Variants in LRCH1 observed in about 807,000 individuals in gnomAD.
The protein encoded by LRCH1 is leucine rich repeats and calponin homology domain containing 1, also known as leucine-rich repeat and calponin homology domain-containing protein 1.
Under a neutral mutation model 94.9 loss-of-function variants are expected in LRCH1, and 23 were observed. The observed-to-expected ratio is 0.24, with a 90% CI of 0.17 to 0.34. The LOEUF is 0.34. LRCH1 is among the 10% of genes least tolerant of loss of function. The pLI is 1.00. For synonymous variants in LRCH1, 364 were observed against 354.9 expected (o/e 1.03, Z -0.29); for missense variants, 790 against 945.9 (o/e 0.84, Z 2.16).
At chr13:46,616,354 A>G (rs2050808158) in intron 1 of LRCH1, among the ~76,000 whole-genome samples, 1 of 152,204 alleles carries the variant, frequency 6.6e-6, no homozygotes, top group South Asian at 2.1e-4. Context: ...TGCTATCAAA[A>G]TAAGCTTAAA....
chr13:46,600,199 A>C (rs7321115), intron 1 of LRCH1, among the ~76,000 whole-genome samples: 1 of 152,070 alleles, frequency 6.6e-6, no homozygotes, highest in African/African-American at 2.4e-5. Flanking sequence ...GCTTTTTAAC[A>C]TAGTAACATA....
In LRCH1 at chr13:46,600,391, A is replaced by G. The variant is rs570319541; in HGVS notation, c.307+46688A>G. On this transcript the variant is annotated intron_variant, in intron 1 of 19. Transcript: ENST00000389797. ...ATTTCAAGCCAAGAATAACAGAGTT[A>G]GGGTCAAGACTGTGAACCGTATGGT... 4.6e-5 allele frequency among the ~76,000 whole-genome samples: 7 copies of G among 152,318 alleles called. No individual in the cohort carries two copies. The South Asian group carries it at 1.5e-3, about 32-fold the overall frequency.
At chr13:46,740,920 C>A (rs982072054) in intron 19 of LRCH1, among the ~76,000 whole-genome samples, 1 of 152,130 alleles carries the variant, frequency 6.6e-6, no homozygotes, top group Admixed American at 6.5e-5. Context: ...CCCCCTGCCC[C>A]AATATACCTG....
chr13:46,575,399 T>TG (rs2050292302), intron 1 of LRCH1, among the ~76,000 whole-genome samples: 1 of 152,132 alleles, frequency 6.6e-6, no homozygotes, highest in East Asian at 1.9e-4. Flanking sequence ...GTGACTCTGG[T>TG]GATAGAACTG....
At chr13:46,598,002 T>A (rs542800917) in intron 1 of LRCH1, among the ~76,000 whole-genome samples, 1 of 152,164 alleles carries the variant, frequency 6.6e-6, no homozygotes, top group Admixed American at 6.5e-5. Flanking sequence ...CTGTGTGGGC[T>A]GAGTGCGGTG....
chr13:46,597,985 A>G (rs2050583896), intron 1 of LRCH1, among the ~76,000 whole-genome samples: 4 of 152,150 alleles, frequency 2.6e-5, no homozygotes. Context: ...ATGAATAACA[A>G]GGATCACTGT....
intron 1 of LRCH1, among the ~76,000 whole-genome samples, chr13:46,629,216 G>A (rs2050989325): frequency 6.6e-6 from 1 of 152,154 alleles, no homozygotes; most frequent in Admixed American, 6.5e-5. Flanking sequence ...CAGCATAGAG[G>A]CCTCTGTGGG....
intron 1 of LRCH1, among the ~76,000 whole-genome samples, chr13:46,561,275 G>A (rs865824053): frequency 6.6e-6 from 1 of 152,134 alleles, no homozygotes; most frequent in African/African-American, 2.4e-5. Flanking sequence ...TTTGATTTTG[G>A]GATCTTCCTA....
intron 1 of LRCH1, among the ~76,000 whole-genome samples, chr13:46,623,538 CT>C (rs897517971): frequency 5.3e-5 from 8 of 151,442 alleles, no homozygotes; most frequent in African/African-American, 1.9e-4. Flanking sequence ...CTTTTTGGTG[CT>C]TTTTTTGTTT....
intron 1 of LRCH1, among the ~76,000 whole-genome samples, chr13:46,632,575 GA>G (rs1371666206): frequency 4.6e-5 from 7 of 152,172 alleles, no homozygotes; most frequent in Non-Finnish European, 1.0e-4. Context: ...AATTGAAAAT[GA>G]AAAGATAAAA....
At chr13:46,613,787 T>G (rs1205312262) in intron 1 of LRCH1, among the ~76,000 whole-genome samples, 7 of 152,212 alleles carry the variant, frequency 4.6e-5, no homozygotes, top group Non-Finnish European at 1.0e-4. Flanking sequence ...AGTTATTCTC[T>G]AAGTCTGGTA....
chr13:46,638,140 T>C (rs1262905863), intron 1 of LRCH1, among the ~76,000 whole-genome samples: 2 of 151,406 alleles, frequency 1.3e-5, no homozygotes, highest in East Asian at 3.8e-4. Context: ...ACATATAAAA[T>C]ATTTGTGACA....
chr13:46,583,752 C>T (rs1344202033), intron 1 of LRCH1, among the ~76,000 whole-genome samples: 3 of 149,768 alleles, frequency 2.0e-5, no homozygotes, highest in Admixed American at 6.7e-5. Context: ...GTTTCAGCTA[C>T]GGAATTTTTC....
At chr13:46,576,816 T>C (rs1251645255) in intron 1 of LRCH1, among the ~76,000 whole-genome samples, 1 of 152,208 alleles carries the variant, frequency 6.6e-6, no homozygotes, top group African/African-American at 2.4e-5. Flanking sequence ...TGCCCCAAAT[T>C]TGGTGGCTTA....
In LRCH1 at chr13:46,684,706, T is replaced by C. The variant is rs568613048; in HGVS notation, c.686-1199T>C. Among the ~76,000 whole-genome samples, 3 of 152,316 alleles carry C rather than the reference T, an allele frequency of 2.0e-5. 1 individual carries two copies. The South Asian group carries it at 6.2e-4, about 32-fold the overall frequency. On this transcript the variant is annotated intron_variant, in intron 4 of 19. Coordinates refer to ENST00000389797, the MANE Select transcript of LRCH1 (RefSeq NM_001164211.2). ...TTTTCCTATTGTTTCACTTTCATGA[T>C]TCCAGGGTCCTCCAGGATTAGTGTG... is the stretch of plus-strand genomic sequence containing the variant.
At chr13:46,618,390 G>A (rs1186528322) in intron 1 of LRCH1, among the ~76,000 whole-genome samples, 1 of 152,180 alleles carries the variant, frequency 6.6e-6, no homozygotes, top group Non-Finnish European at 1.5e-5. Context: ...CACTGCATGC[G>A]TGGTCCATTG....
At chr13:46,672,713 G>A (rs1035676863) in intron 3 of LRCH1, among the ~76,000 whole-genome samples, 1 of 152,212 alleles carries the variant, frequency 6.6e-6, no homozygotes, top group Admixed American at 6.5e-5. Context: ...AACGAGGGCT[G>A]CCCTGCATTA....
chr13:46,561,587 C>T (rs1156824265), intron 1 of LRCH1, among the ~76,000 whole-genome samples: 4 of 152,228 alleles, frequency 2.6e-5, no homozygotes, highest in Non-Finnish European at 5.9e-5. Flanking sequence ...TTATGCCATA[C>T]AGCGTGAGGA....
chr13:46,687,350 A>T (rs924655953), intron 5 of LRCH1, among the ~76,000 whole-genome samples: 2 of 152,184 alleles, frequency 1.3e-5, no homozygotes, highest in Non-Finnish European at 2.9e-5. Context: ...CTCCAGCTCA[A>T]ATGTTAAACT....
Sources: gnomAD v4.1 joint callset for allele counts (sites outside exome capture counted in the v4.1 genomes callset) on GRCh38, gnomAD v4.1.1 for gene constraint, MANE v1.5 for transcripts, NCBI Gene and HGNC (gene_info 2026-07-23, HGNC 2026-07-21) for gene names.